PRKD1: variants seen among roughly 807,000 people sequenced by gnomAD.
PRKD1 encodes the protein serine/threonine-protein kinase D1.
Under a neutral mutation model 95.9 loss-of-function variants are expected in PRKD1, and 63 were observed. That is an observed-to-expected ratio of 0.66 (90% confidence interval 0.54 to 0.81). The LOEUF is 0.81. PRKD1 is among the 30% of genes least tolerant of loss of function. PRKD1 has a pLI of 0.00. For missense variants in PRKD1, 1,048 were observed against 1,165.3 expected, an observed-to-expected ratio of 0.90 and a Z score of 1.47; for synonymous variants, 425 against 423.1, an observed-to-expected ratio of 1.00 and a Z score of -0.05.
At chr14:29,877,667 A>C (rs1316803235) in intron 1 of PRKD1, among the ~76,000 whole-genome samples, 4 of 152,192 alleles carry the variant, frequency 2.6e-5, no homozygotes, top group Non-Finnish European at 5.9e-5. Context: ...TTTTGTATAT[A>C]GTATAAGAAA....
chr14:29,838,616 C>T (rs994647898), intron 1 of PRKD1, among the ~76,000 whole-genome samples: 116 of 152,272 alleles, frequency 7.6e-4, no homozygotes, highest in African/African-American at 2.6e-3. Context: ...CCACATTACT[C>T]AATCCACATT....
intron 1 of PRKD1, among the ~76,000 whole-genome samples, chr14:29,897,552 T>A (rs1894176307): frequency 6.6e-6 from 1 of 152,168 alleles, no homozygotes; most frequent in African/African-American, 2.4e-5. Flanking sequence ...TGAAATTCTT[T>A]ATGAAATTAT....
intron 3 of PRKD1, among the ~76,000 whole-genome samples, chr14:29,664,227 T>A (rs1276438753): frequency 2.0e-5 from 3 of 152,158 alleles, no homozygotes; most frequent in Admixed American, 6.6e-5. Flanking sequence ...TCACAGCACA[T>A]CACAAGTTTT....
chr14:29,656,767 A>G (rs570894606), intron 4 of PRKD1, among the ~76,000 whole-genome samples: 2 of 152,104 alleles, frequency 1.3e-5, no homozygotes, highest in South Asian at 4.2e-4. Flanking sequence ...GCTAGATGTT[A>G]AAAAAAACAG....
chr14:29,738,483 G>T (rs1285122828), intron 1 of PRKD1, among the ~76,000 whole-genome samples: 1 of 152,120 alleles, frequency 6.6e-6, no homozygotes, highest in Non-Finnish European at 1.5e-5. Context: ...TTAGATTCTT[G>T]GTTGAATTAC....
intron 1 of PRKD1, among the ~76,000 whole-genome samples, chr14:29,778,052 G>C (rs1206220222): frequency 6.6e-6 from 1 of 152,108 alleles, no homozygotes; most frequent in Non-Finnish European, 1.5e-5. Flanking sequence ...CTACTGGGTA[G>C]ATAACTAAAT....
At chr14:29,916,159 A>G (rs28499525) in intron 1 of PRKD1, among the ~76,000 whole-genome samples, 3,601 of 152,118 alleles carry the variant, frequency 0.024, 152 homozygotes, top group African/African-American at 0.083. Context: ...GCCTATCATG[A>G]CCCAAGGCTC....
In PRKD1 at chr14:29,627,587, C is replaced by T. The variant is rs573302672; in HGVS notation, c.1726-1031G>A. ...GTAATTCTTTTTTCCCTTATATATTCCTATTACATCCTATCAGATTTTCCA... is the reference window on the plus strand; with the variant it reads ...GTAATTCTTTTTTCCCTTATATATTTCTATTACATCCTATCAGATTTTCCA... On this transcript the variant is annotated intron_variant, in intron 11 of 17. Transcript: ENST00000331968. 2.6e-5 allele frequency among the ~76,000 whole-genome samples: 4 copies of T among 152,162 alleles called. No homozygotes were observed. The East Asian group carries it at 7.7e-4, about 29-fold the overall frequency.
chr14:29,815,139 G>A (rs1285893995), intron 1 of PRKD1, among the ~76,000 whole-genome samples: 2 of 152,058 alleles, frequency 1.3e-5, no homozygotes, highest in South Asian at 2.1e-4. Context: ...TGCATCAAAC[G>A]ACCTTATAAT....
Position 29,597,624 on chromosome 14 carries a change from C to A in PRKD1, c.2301G>T (p.Trp767Cys). Residue 767 changes from tryptophan (W) to cysteine (C), a missense_variant, in exon 16 of 18, where the codon TGG becomes TGT. Trp to Cys is a radical substitution (Grantham distance 215). Around this residue, in one of 3 missense-constraint regions of PRKD1, gnomAD observed 739 missense variants for 861.9 expected, o/e 0.86. Transcript: ENST00000331968. ...NKGYNRSLDM[W>C]SVGVIIYVSL... ...TTACATAGATGATGACCCCAACAGA[C>A]CACATGTCTAGAGAGCGATTGTAGC... 2 of 1,614,042 alleles carry A rather than the reference C, an allele frequency of 1.2e-6. No individual in the cohort carries two copies. Among genetic ancestry groups the A allele is most frequent in the Non-Finnish European group, 1.7e-6 (2 of 1,179,986 alleles).
At chr14:29,598,469 C>T (rs916397187) in intron 15 of PRKD1, among the ~76,000 whole-genome samples, 2 of 151,892 alleles carry the variant, frequency 1.3e-5, no homozygotes, top group Admixed American at 6.6e-5. Flanking sequence ...TTCACTCAAG[C>T]GCTTATTATG....
At chr14:29,592,192 A>G (rs1277771861) in intron 16 of PRKD1, among the ~76,000 whole-genome samples, 1 of 151,908 alleles carries the variant, frequency 6.6e-6, no homozygotes, top group Non-Finnish European at 1.5e-5. Flanking sequence ...ATACTGGAGG[A>G]TAACAAATGA....
intron 4 of PRKD1, among the ~76,000 whole-genome samples, chr14:29,654,093 T>TAAA (rs202171238): frequency 1.3e-5 from 2 of 151,758 alleles, no homozygotes; most frequent in Non-Finnish European, 2.9e-5. Flanking sequence ...TTTTTTTTTT[T>TAAA]AAAAAAGCAG....
chr14:29,916,961 T>C (rs2139131382), intron 1 of PRKD1, among the ~76,000 whole-genome samples: 1 of 152,202 alleles, frequency 6.6e-6, no homozygotes, highest in Admixed American at 6.5e-5. Flanking sequence ...CTTTTTGTAA[T>C]GATAAGAACT....
chr14:29,910,000 G>C (rs562362210), intron 1 of PRKD1, among the ~76,000 whole-genome samples: 11 of 152,150 alleles, frequency 7.2e-5, no homozygotes, highest in Non-Finnish European at 1.6e-4. Context: ...CTGTAAAATG[G>C]ACCAATCAGC....
chr14:29,835,159 C>T (rs184149118), intron 1 of PRKD1, among the ~76,000 whole-genome samples: 66 of 107,852 alleles, frequency 6.1e-4, no homozygotes, highest in Admixed American at 1.7e-3. Context: ...TGTTCATATA[C>T]TGAAAAAAAA....
intron 4 of PRKD1, among the ~76,000 whole-genome samples, chr14:29,663,255 T>C (rs547717967): frequency 4.8e-4 from 73 of 151,228 alleles, no homozygotes; most frequent in African/African-American, 1.7e-3. Context: ...TAAGCTGGCA[T>C]GTATGCCAGT....
intron 2 of PRKD1, among the ~76,000 whole-genome samples, chr14:29,713,924 T>G (rs1885462195): frequency 6.6e-6 from 1 of 152,174 alleles, no homozygotes; most frequent in African/African-American, 2.4e-5. Flanking sequence ...GAAATTAAAC[T>G]CAGGCCGGTT....
At chr14:29,921,837 A>G (rs1895122878) in intron 1 of PRKD1, among the ~76,000 whole-genome samples, 2 of 152,158 alleles carry the variant, frequency 1.3e-5, no homozygotes, top group African/African-American at 4.8e-5. Flanking sequence ...TTACTCTTTC[A>G]GATTGATCTC....
Sources: gnomAD v4.1 joint callset for allele counts (sites outside exome capture counted in the v4.1 genomes callset) on GRCh38, gnomAD v4.1.1 for gene constraint, gnomAD v4.1.1 regional missense constraint, MANE v1.5 for transcripts, NCBI Gene and HGNC (gene_info 2026-07-23, HGNC 2026-07-21) for gene names.